Variants in OR1J2 observed in about 807,000 individuals in gnomAD.
OR1J2 encodes olfactory receptor family 1 subfamily J member 2, also known as olfactory receptor 1J2.
For missense variants in OR1J2, 304 were observed against 246.1 expected, an observed-to-expected ratio of 1.24 and a Z score of -1.57; for synonymous variants, 142 against 99.7, an observed-to-expected ratio of 1.42 and a Z score of -2.52.
At chr9:122,463,401 TG>T in the OR1J2 span, among the ~76,000 whole-genome samples, 1 of 152,220 alleles carries the variant, frequency 6.6e-6, no homozygotes. Context: ...GCTTAATAGC[TG>T]ATCTTCTGAA....
At chr9:122,568,157 G>C in the OR1J2 span, 1 of 1,614,126 alleles carries the variant, frequency 6.2e-7, no homozygotes, top group Non-Finnish European at 8.5e-7. Flanking sequence ...TGTTGCCCAA[G>C]GCATAGAGAA....
the OR1J2 span, among the ~76,000 whole-genome samples, chr9:122,463,585 C>T: frequency 6.6e-6 from 1 of 152,166 alleles, no homozygotes; most frequent in Non-Finnish European, 1.5e-5. Flanking sequence ...AACTCAAGGG[C>T]TGCTGTTCAG....
At chr9:122,505,324 C>T in the OR1J2 span, among the ~76,000 whole-genome samples, 4 of 152,188 alleles carry the variant, frequency 2.6e-5, no homozygotes, top group African/African-American at 9.6e-5. Context: ...CAGGGCATCA[C>T]ATAATAAGGG....
the OR1J2 span, among the ~76,000 whole-genome samples, chr9:122,575,208 G>A: frequency 1.3e-5 from 2 of 152,052 alleles, no homozygotes; most frequent in South Asian, 4.1e-4. Context: ...TTCGTAGAAT[G>A]AATTAGAAAG....
At chr9:122,509,379 G>A (rs1021863691), upstream of OR1J2, among the ~76,000 whole-genome samples, 2 of 152,186 alleles carry the variant, frequency 1.3e-5, no homozygotes, top group Admixed American at 6.5e-5. Flanking sequence ...GTTATGGGAT[G>A]AGTGTTATTG....
At chr9:122,483,773 CAT>C in the OR1J2 span, among the ~76,000 whole-genome samples, 1 of 152,080 alleles carries the variant, frequency 6.6e-6, no homozygotes, top group African/African-American at 2.4e-5. Context: ...TACATTAGGT[CAT>C]ATGTTTTACT....
chr9:122,508,845 A>C (rs1460774001), upstream of OR1J2, among the ~76,000 whole-genome samples: 5 of 152,250 alleles, frequency 3.3e-5, 1 homozygote, highest in Non-Finnish European at 7.3e-5. Flanking sequence ...TCTGGAGGTC[A>C]GAAGTCTAAA....
the OR1J2 span, among the ~76,000 whole-genome samples, chr9:122,451,309 G>A: frequency 2.6e-5 from 4 of 151,736 alleles, no homozygotes; most frequent in South Asian, 2.1e-4. Context: ...CCTCGGCCTC[G>A]TGAGTAGCTG....
chr9:122,527,420 C>T, the OR1J2 span: 14 of 614,574 alleles, frequency 2.3e-5, no homozygotes, highest in Non-Finnish European at 4.0e-5. Context: ...TATCTTCATT[C>T]TGATCCTGCT....
the OR1J2 span, among the ~76,000 whole-genome samples, chr9:122,449,591 G>A: frequency 2.7e-3 from 404 of 152,166 alleles, 12 homozygotes; most frequent in East Asian, 0.074. Flanking sequence ...GGATGGTCTC[G>A]ATCTCCTGAC....
At chr9:122,533,643 AAAG>A in the OR1J2 span, among the ~76,000 whole-genome samples, 1 of 152,154 alleles carries the variant, frequency 6.6e-6, no homozygotes, top group Non-Finnish European at 1.5e-5. Context: ...GATAATTAAA[AAAG>A]AGTGCATAAA....
the OR1J2 span, among the ~76,000 whole-genome samples, chr9:122,535,845 G>A: frequency 1.3e-5 from 2 of 152,148 alleles, no homozygotes; most frequent in Non-Finnish European, 2.9e-5. Flanking sequence ...GGAAAAGGGA[G>A]TCAGCAAAGG....
At chr9:122,510,500 A>ATG (rs1462182019), upstream of OR1J2, among the ~76,000 whole-genome samples, 5 of 151,908 alleles carry the variant, frequency 3.3e-5, no homozygotes, top group Non-Finnish European at 7.4e-5. Context: ...ATATATATAT[A>ATG]TGTATTTTTA....
At chr9:122,533,390 G>C in the OR1J2 span, among the ~76,000 whole-genome samples, 1 of 152,156 alleles carries the variant, frequency 6.6e-6, no homozygotes, top group African/African-American at 2.4e-5. Context: ...TATTGGCATT[G>C]AGTGGGGTAA....
At chr9:122,472,457 G>A in the OR1J2 span, among the ~76,000 whole-genome samples, 1 of 152,176 alleles carries the variant, frequency 6.6e-6, no homozygotes, top group Non-Finnish European at 1.5e-5. Flanking sequence ...AAATTTTGTA[G>A]AAACCTTATA....
chr9:122,509,406 A>C (rs1367712338), upstream of OR1J2, among the ~76,000 whole-genome samples: 1 of 152,216 alleles, frequency 6.6e-6, no homozygotes, highest in Non-Finnish European at 1.5e-5. Flanking sequence ...GAGGAAAGGG[A>C]GACTGGATTG....
chr9:122,464,860 A>G, the OR1J2 span, among the ~76,000 whole-genome samples: 1 of 152,024 alleles, frequency 6.6e-6, no homozygotes, highest in South Asian at 2.1e-4. Flanking sequence ...ACTATATAAG[A>G]CTTTTTGTCT....
the OR1J2 span, among the ~76,000 whole-genome samples, chr9:122,461,570 CTT>C: frequency 6.6e-6 from 1 of 151,928 alleles, no homozygotes; most frequent in African/African-American, 2.4e-5. Context: ...ATAAACGCTC[CTT>C]TTGTCACTGC....
At chr9:122,472,821 C>G in the OR1J2 span, among the ~76,000 whole-genome samples, 1 of 152,098 alleles carries the variant, frequency 6.6e-6, no homozygotes, top group Non-Finnish European at 1.5e-5. Context: ...TGTTAACCAA[C>G]CTTTGTGCTG....
Sources: gnomAD v4.1 joint callset for allele counts (sites outside exome capture counted in the v4.1 genomes callset) on GRCh38, gnomAD v4.1.1 for gene constraint, MANE v1.5 for transcripts, NCBI Gene and HGNC (gene_info 2026-07-23, HGNC 2026-07-21) for gene names.